ROBO1: variants seen among roughly 807,000 people sequenced by gnomAD.
ROBO1 encodes the protein roundabout guidance receptor 1, also known as roundabout homolog 1.
A neutral mutation model predicts 195.9 loss-of-function variants in ROBO1; 149 were observed. That is an observed-to-expected ratio of 0.76 (90% CI 0.67 to 0.87). The LOEUF is 0.87. Ranked by LOEUF, ROBO1 falls within the 40% of genes least tolerant of loss-of-function variation. The pLI is 0.00. For missense variants in ROBO1, 1,933 were observed against 2,068.3 expected, an observed-to-expected ratio of 0.93 and a Z score of 1.27; for synonymous variants, 816 against 733.2, an observed-to-expected ratio of 1.11 and a Z score of -1.82.
intron 2 of ROBO1, among the ~76,000 whole-genome samples, chr3:79,224,513 A>G (rs1477423553): frequency 6.6e-6 from 1 of 152,228 alleles, no homozygotes; most frequent in Non-Finnish European, 1.5e-5. Flanking sequence ...AAATGACACT[A>G]AAATCATCTT....
At chr3:79,143,873 A>G (rs1013791208) in intron 2 of ROBO1, among the ~76,000 whole-genome samples, 4 of 151,868 alleles carry the variant, frequency 2.6e-5, no homozygotes, top group East Asian at 1.9e-4. Flanking sequence ...ACCCCTTCCT[A>G]TACTCTGAAC....
At chr3:79,502,243 G>A (rs13068010) in intron 2 of ROBO1, among the ~76,000 whole-genome samples, 52,824 of 152,124 alleles carry the variant, frequency 0.35, 11,136 homozygotes, top group African/African-American at 0.58. Context: ...CTCAGCTTGC[G>A]GGGAGGTGTG....
chr3:79,049,335 A>T (rs529152817), intron 3 of ROBO1, among the ~76,000 whole-genome samples: 1 of 152,254 alleles, frequency 6.6e-6, no homozygotes, highest in East Asian at 1.9e-4. Context: ...AAGTAAGAAG[A>T]CAAGATTAGA....
chr3:79,628,898 A>C (rs182377161), intron 1 of ROBO1, among the ~76,000 whole-genome samples: 15 of 152,358 alleles, frequency 9.8e-5, no homozygotes, highest in Admixed American at 3.3e-4. Flanking sequence ...AAAAAAAGAC[A>C]AAGGAAGTCA....
rs187727081 is a variant in ROBO1, at chr3:79,391,866, A to G, written c.88+197958T>C. Among the ~76,000 whole-genome samples the G allele has an allele frequency of 2.6e-3, 403 of 152,266 alleles. 3 individuals carry two copies. Among genetic ancestry groups the G allele is most frequent in the East Asian group, 6.4e-3 (33 of 5,178 alleles). ...AAACAAAGTTCTTATGATAAGATGA[A>G]ATCAACAGTCAAATGAACTATAGTT... On this transcript the variant is annotated intron_variant, in intron 2 of 30. Coordinates refer to ENST00000464233, the MANE Select transcript of ROBO1 (RefSeq NM_002941.4).
intron 2 of ROBO1, among the ~76,000 whole-genome samples, chr3:79,508,854 T>C (rs1940549810): frequency 6.6e-6 from 1 of 152,344 alleles, no homozygotes; most frequent in East Asian, 1.9e-4. Flanking sequence ...ACATTTATAA[T>C]ATGTGGGCTT....
chr3:79,734,353 AC>A (rs906068820), intron 1 of ROBO1, among the ~76,000 whole-genome samples: 5 of 152,250 alleles, frequency 3.3e-5, no homozygotes, highest in Admixed American at 1.3e-4. Context: ...AAAAAACATC[AC>A]CCAATGCCTG....
chr3:79,040,675 C>G (rs1384990822), intron 3 of ROBO1, among the ~76,000 whole-genome samples: 1 of 152,084 alleles, frequency 6.6e-6, no homozygotes, highest in Non-Finnish European at 1.5e-5. Flanking sequence ...TAGAGTGTTA[C>G]TCTATACCCC....
chr3:79,437,725 T>G (rs182923806), intron 2 of ROBO1, among the ~76,000 whole-genome samples: 1 of 151,986 alleles, frequency 6.6e-6, no homozygotes, highest in Non-Finnish European at 1.5e-5. Context: ...GTGATAGATA[T>G]TAGCATAAAG....
At chr3:79,501,798 C>T (rs986501354) in intron 2 of ROBO1, among the ~76,000 whole-genome samples, 3 of 152,158 alleles carry the variant, frequency 2.0e-5, no homozygotes, top group African/African-American at 7.2e-5. Context: ...ATTCTTAAAT[C>T]CATCAACATA....
intron 4 of ROBO1, chr3:78,937,917 C>G (rs936457423): frequency 6.6e-6 from 1 of 151,632 alleles, no homozygotes; most frequent in African/African-American, 2.4e-5. Context: ...TTAATGAAGA[C>G]AAATTTTTAA....
intron 3 of ROBO1, among the ~76,000 whole-genome samples, chr3:79,083,311 G>A (rs1452477383): frequency 5.9e-5 from 9 of 152,102 alleles, no homozygotes; most frequent in Admixed American, 5.9e-4. Context: ...AAATAAAAAT[G>A]TTAGAGGGGA....
At chr3:79,201,246 C>T (rs992843331) in intron 2 of ROBO1, among the ~76,000 whole-genome samples, 7 of 151,948 alleles carry the variant, frequency 4.6e-5, no homozygotes, top group African/African-American at 1.7e-4. Flanking sequence ...CAGTGAACTA[C>T]CATAGTTCTC....
At chr3:79,114,823 C>T (rs2079961032) in intron 3 of ROBO1, among the ~76,000 whole-genome samples, 1 of 152,020 alleles carries the variant, frequency 6.6e-6, no homozygotes, top group Admixed American at 6.6e-5. Context: ...CTCTATTCAC[C>T]AAGGGACCCA....
chr3:79,151,343 C>T (rs2080764824), intron 2 of ROBO1, among the ~76,000 whole-genome samples: 1 of 151,812 alleles, frequency 6.6e-6, no homozygotes, highest in African/African-American at 2.4e-5. Context: ...TAGGAGTCAT[C>T]CTTGATTCTT....
At chr3:78,959,543 GTAAC>G (rs1258313686) in intron 3 of ROBO1, among the ~76,000 whole-genome samples, 1 of 152,136 alleles carries the variant, frequency 6.6e-6, no homozygotes, top group Non-Finnish European at 1.5e-5. Context: ...TATTTACTGA[GTAAC>G]TATTCTGTAC....
chr3:79,409,582 TGAG>T (rs1222244523), intron 2 of ROBO1, among the ~76,000 whole-genome samples: 1 of 152,164 alleles, frequency 6.6e-6, no homozygotes, highest in Non-Finnish European at 1.5e-5. Context: ...TTGTCTTAGT[TGAG>T]AATGTCTCAG....
chr3:78,620,831 A>G (rs2107428210), intron 26 of ROBO1, among the ~76,000 whole-genome samples: 1 of 151,504 alleles, frequency 6.6e-6, no homozygotes. Context: ...TTTATTTCCA[A>G]GGGCATGACC....
chr3:79,332,931 G>A (rs1393764063), intron 2 of ROBO1, among the ~76,000 whole-genome samples: 1 of 152,166 alleles, frequency 6.6e-6, no homozygotes, highest in Admixed American at 6.5e-5. Flanking sequence ...GCCAGGTGTG[G>A]TGGCTTACGC....
Sources: allele counts gnomAD v4.1 joint callset (sites outside exome capture counted in the v4.1 genomes callset), GRCh38; gene constraint gnomAD v4.1.1; transcripts MANE v1.5; gene names NCBI Gene and HGNC (gene_info 2026-07-23, HGNC 2026-07-21).